Variants in CYP19A1 observed in about 807,000 individuals in gnomAD.
CYP19A1 encodes the protein aromatase.
In CYP19A1, 32 loss-of-function variants were observed where a neutral mutation model predicts 44.4. The observed-to-expected ratio is 0.72, with a 90% CI of 0.54 to 0.97. The LOEUF is 0.97. Ranked by LOEUF, CYP19A1 falls within the 50% of genes least tolerant of loss-of-function variation. The probability of loss-of-function intolerance (pLI) is 0.00; values close to 1 mark genes in which losing one functional copy is unlikely to be tolerated. For missense variants in CYP19A1, 598 were observed against 637.8 expected (o/e 0.94, Z 0.67); for synonymous variants, 212 against 215.6 (o/e 0.98, Z 0.14).
chr15:51,240,656 G>A (rs750641988), intron 2 of CYP19A1, among the ~76,000 whole-genome samples: 32 of 152,176 alleles, frequency 2.1e-4, no homozygotes, highest in Non-Finnish European at 3.5e-4. Flanking sequence ...CACAGTCTGT[G>A]CTACTAGTGG....
At chr15:51,296,253 T>A (rs1009719549) in intron 1 of CYP19A1, among the ~76,000 whole-genome samples, 1 of 151,878 alleles carries the variant, frequency 6.6e-6, no homozygotes, top group Non-Finnish European at 1.5e-5. Flanking sequence ...GAAGAGGCCT[T>A]GAGAGAAAGA....
At chr15:51,260,394 C>G (rs975727632) in intron 1 of CYP19A1, among the ~76,000 whole-genome samples, 2 of 152,174 alleles carry the variant, frequency 1.3e-5, no homozygotes, top group African/African-American at 4.8e-5. Context: ...TCCATTGTGA[C>G]TAAAAACGTC....
In CYP19A1 at chr15:51,292,816, C is replaced by CTT. The variant is rs763860830; in HGVS notation, c.-39+45677_-39+45678dup. Among the ~76,000 whole-genome samples, 432 of 143,506 alleles carry CTT rather than the reference C, an allele frequency of 3.0e-3. 1 individual carries two copies. The highest frequency in any genetic ancestry group is 5.1e-3 in the Non-Finnish European group (336 of 65,254). The allele number at this position is 143,506 out of a possible 152,430, so 94.1% of individuals were successfully genotyped here. On this transcript the variant is annotated intron_variant, in intron 1 of 9. Coordinates refer to ENST00000396402, the MANE Select transcript of CYP19A1 (RefSeq NM_000103.4). The stretch of plus-strand genomic sequence containing the variant: ...GTCCTTCTTCATGGGCAGAAAGTAG[C>CTT]TTTTTTTTTTTTTTCCAAGAGATGC...
intron 1 of CYP19A1, among the ~76,000 whole-genome samples, chr15:51,295,821 A>C (rs79862153): frequency 6.6e-6 from 1 of 152,280 alleles, no homozygotes; most frequent in East Asian, 1.9e-4. Flanking sequence ...TTCCGTTAGG[A>C]AGTCCTGGCA....
At chr15:51,218,453 C>A in intron 6 of CYP19A1, 88 bp downstream of exon 6, 1 of 1,526,598 alleles carries the variant, frequency 6.6e-7, no homozygotes, top group Non-Finnish European at 8.8e-7. Flanking sequence ...AGAAAAGTTA[C>A]CTGAGAGGCC....
chr15:51,266,455 G>A (rs1486375698), intron 1 of CYP19A1, among the ~76,000 whole-genome samples: 1 of 152,218 alleles, frequency 6.6e-6, no homozygotes. Flanking sequence ...CTCCCCTGTG[G>A]CAGGAAGAGA....
intron 1 of CYP19A1, among the ~76,000 whole-genome samples, chr15:51,304,890 CTTTTTT>C (rs545247348): frequency 1.8e-4 from 19 of 104,578 alleles, no homozygotes; most frequent in African/African-American, 7.7e-4. Flanking sequence ...GTGTCTCTTC[CTTTTTT>C]TTTTTTTTTT....
At position 51,247,773 on chromosome 15, in the gene CYP19A1, G is replaced by A. The variant is rs534018919; in HGVS notation, c.-38-4823C>T. On this transcript the variant is annotated intron_variant, in intron 1 of 9. Coordinates refer to ENST00000396402, the MANE Select transcript of CYP19A1 (RefSeq NM_000103.4). ...CATCATCCAGCTTCAAAATATTGGTGTTTTGTACTTCCCTTTTCCCTTTAC... is the reference window on the plus strand; with the variant it reads ...CATCATCCAGCTTCAAAATATTGGTATTTTGTACTTCCCTTTTCCCTTTAC... 2.5e-4 allele frequency among the ~76,000 whole-genome samples: 38 copies of A among 152,244 alleles called. No homozygotes were observed. In the South Asian group the frequency reaches 6.6e-3, roughly 27 times the overall value.
intron 1 of CYP19A1, among the ~76,000 whole-genome samples, chr15:51,291,118 A>C (rs1003299572): frequency 4.6e-5 from 7 of 152,204 alleles, no homozygotes. Flanking sequence ...GGTTTGAGGC[A>C]GATCATTAAA....
At chr15:51,289,595 G>A (rs1289212723) in intron 1 of CYP19A1, among the ~76,000 whole-genome samples, 4 of 152,158 alleles carry the variant, frequency 2.6e-5, no homozygotes, top group Non-Finnish European at 4.4e-5. Context: ...TTTGCCTGCA[G>A]CTTCCCACTG....
chr15:51,222,630 A>T, intron 4 of CYP19A1, 105 bp from the exon 5 acceptor site: 1 of 856,806 alleles, frequency 1.2e-6, no homozygotes, highest in African/African-American at 1.7e-5. Flanking sequence ...CACAATTTTT[A>T]ATTTAATAAT....
chr15:51,310,093 C>A (rs558621607), intron 1 of CYP19A1, among the ~76,000 whole-genome samples: 2 of 152,292 alleles, frequency 1.3e-5, no homozygotes, highest in Admixed American at 6.5e-5. Flanking sequence ...CGTGAAAGTC[C>A]TGGGGAAGCA....
chr15:51,243,763 AG>A (rs1204411064), intron 1 of CYP19A1, among the ~76,000 whole-genome samples: 1 of 152,220 alleles, frequency 6.6e-6, no homozygotes, highest in African/African-American at 2.4e-5. Flanking sequence ...TTCGAAGAGC[AG>A]CTAACATCCT....
intron 1 of CYP19A1, chr15:51,323,792 T>A (rs925350898): frequency 1.3e-5 from 2 of 152,082 alleles, no homozygotes; most frequent in African/African-American, 4.8e-5. Context: ...CCATACTGCA[T>A]CCCCTCCCCA....
intron 1 of CYP19A1, among the ~76,000 whole-genome samples, chr15:51,285,832 C>T (rs568276477): frequency 7.9e-5 from 12 of 152,300 alleles, no homozygotes; most frequent in African/African-American, 2.9e-4. Context: ...CCACTTGATC[C>T]GTTTTCTCTC....
chr15:51,230,888 C>A (rs2032976696), intron 3 of CYP19A1, among the ~76,000 whole-genome samples: 1 of 152,202 alleles, frequency 6.6e-6, no homozygotes, highest in South Asian at 2.1e-4. Flanking sequence ...TCCCAAAGTG[C>A]TGGCATTACA....
chr15:51,295,945 G>T (rs975790586), intron 1 of CYP19A1, among the ~76,000 whole-genome samples: 1 of 152,148 alleles, frequency 6.6e-6, no homozygotes, highest in Non-Finnish European at 1.5e-5. Context: ...GCACATGAAC[G>T]TTCTCAAGAA....
At chr15:51,233,177 T>C (rs1389545764) in intron 3 of CYP19A1, among the ~76,000 whole-genome samples, 1 of 152,214 alleles carries the variant, frequency 6.6e-6, no homozygotes, top group Non-Finnish European at 1.5e-5. Context: ...TCTCTACAAC[T>C]GGTCCTCCCC....
At chr15:51,245,647 T>A (rs2141130561) in intron 1 of CYP19A1, among the ~76,000 whole-genome samples, 2 of 152,308 alleles carry the variant, frequency 1.3e-5, no homozygotes, top group Middle Eastern at 6.8e-3. Flanking sequence ...ATATCCAGAA[T>A]CTACAATGAA....
Sources: allele counts gnomAD v4.1 joint callset (sites outside exome capture counted in the v4.1 genomes callset), GRCh38; gene constraint gnomAD v4.1.1; transcripts MANE v1.5; gene names NCBI Gene and HGNC (gene_info 2026-07-23, HGNC 2026-07-21).